The following ADAT3 variants were observed in gnomAD, a reference collection of about 807,000 sequenced individuals.
ADAT3 encodes tRNA-specific adenosine-34 deaminase regulatory subunit ADAT3.
A neutral mutation model predicts 3.5 loss-of-function variants in ADAT3; 2 were observed. The ratio of observed to expected loss-of-function variants is 0.57; its 90% CI spans 0.23 to 1.79. ADAT3 has a LOEUF of 1.79. ADAT3 is among the 40% of genes most tolerant of loss of function. The pLI is 0.18. For synonymous variants in ADAT3, 358 were observed against 270.3 expected, an observed-to-expected ratio of 1.32 and a Z score of -3.18; for missense variants, 735 against 571.4, an observed-to-expected ratio of 1.29 and a Z score of -2.92.
rs776238929 is a variant in ADAT3, at chr19:1,913,171, G to C, written c.*20G>C. ...ACGTAGGCGCCGCCCTCCTGCCTCC[G>C]GACCCTTCCCGCTCCCGGCCGTGGG... On this transcript the variant is annotated 3_prime_UTR_variant, in exon 2 of 2. Transcript: ENST00000329478. The C allele has an allele frequency of 2.7e-6, 4 of 1,504,662 alleles. No homozygotes were observed. Among genetic ancestry groups the C allele is most frequent in the South Asian group, 1.3e-5 (1 of 78,258 alleles). The allele number at this position is 1,504,662 out of a possible 1,614,324, so 93.2% of individuals were successfully genotyped here. A position where few individuals can be genotyped will look rare whatever the true frequency, so the allele number is the denominator to read the frequency against.
chr19:1,911,892 G>T lies in ADAT3; in HGVS notation c.-156G>T, dbSNP rs1389444579. 1.1e-6 allele frequency: 1 copy of T among 922,414 alleles called. No individual in the cohort carries two copies. The highest frequency in any genetic ancestry group is 1.5e-6 in the Non-Finnish European group (1 of 670,140). 57.1% of individuals were successfully genotyped at this position (922,414 alleles called of 1,614,324 possible). On this transcript the variant is annotated splice_region_variant and 5_prime_UTR_variant, in exon 2 of 2. Transcript: ENST00000329478. ...TGTTTAAACTCTGTGCACACCAGGGGTTAGCAGGACATGAGGGAGTGTAGC... is the reference window on the plus strand; with the variant it reads ...TGTTTAAACTCTGTGCACACCAGGGTTTAGCAGGACATGAGGGAGTGTAGC...
At chr19:1,905,704 G>A (rs2013074367) in intron 1 of ADAT3, 1 of 153,234 alleles carries the variant, frequency 6.5e-6, no homozygotes, top group Non-Finnish European at 1.5e-5. Context: ...GCGCCTTTCT[G>A]CGCGTGTGCG....
chr19:1,910,554 A>G (rs939135560), intron 1 of ADAT3, among the ~76,000 whole-genome samples: 1 of 146,032 alleles, frequency 6.8e-6, no homozygotes, highest in Admixed American at 6.9e-5. Context: ...GACACTTGAT[A>G]GTTTTTGGTT....
At chr19:1,911,786 T>TA (rs1239753936) in intron 1 of ADAT3, 104 bp from the exon 2 acceptor site, 1 of 382,070 alleles carries the variant, frequency 2.6e-6, no homozygotes, top group Non-Finnish European at 4.6e-6. Flanking sequence ...GTCTCAGAAG[T>TA]AAAAAAATAA....
chr19:1,906,786 G>A (rs2013137648), intron 1 of ADAT3: 1 of 152,010 alleles, frequency 6.6e-6, no homozygotes, highest in Non-Finnish European at 1.5e-5. Flanking sequence ...AGGAGGCAGA[G>A]CTTGCAGTGA....
In ADAT3 at chr19:1,910,778, T is replaced by C. The variant is rs563708640; in HGVS notation, c.-158-1112T>C. ...TTTTAGTAGAGATGGGGTTTCACCA[T>C]GTTGGTCAGGCTGGTCTCGATCTCG... On this transcript the variant is annotated intron_variant, in intron 1 of 1. Transcript: ENST00000329478. Among the ~76,000 whole-genome samples the C allele has an allele frequency of 8.6e-4, 131 of 151,776 alleles. 2 individuals carry two copies. The highest frequency in any genetic ancestry group is 8.6e-3 in the Admixed American group (131 of 15,214).
At chr19:1,905,804 A>C (rs939965882) in intron 1 of ADAT3, 2 of 152,240 alleles carry the variant, frequency 1.3e-5, no homozygotes, top group African/African-American at 2.4e-5. Flanking sequence ...CTGCCTCTGA[A>C]CCGCGCTCTC....
In ADAT3 at chr19:1,913,142, C is replaced by G. The variant is rs370276587; in HGVS notation, c.1095C>G (p.Pro365=). The change falls in exon 2 of 2, where the codon CCC becomes CCG. Residue 365 remains proline (P), a synonymous_variant. Transcript: ENST00000329478. ...VLEEQCRWLD[P]DT ...AGGAGCAGTGCCGCTGGCTGGACCC[C>G]GACACGTAGGCGCCGCCCTCCTGCC... The G allele has an allele frequency of 1.3e-6, 2 of 1,555,558 alleles. No homozygotes were observed. Among genetic ancestry groups the G allele is most frequent in the African/African-American group, 1.4e-5 (1 of 73,586 alleles).
intron 1 of ADAT3, among the ~76,000 whole-genome samples, chr19:1,911,521 C>G (rs1256892826): frequency 6.6e-6 from 1 of 152,204 alleles, no homozygotes; most frequent in African/African-American, 2.4e-5. Flanking sequence ...CGCAGTGACT[C>G]ACACCTGTAA....
chr19:1,905,889 G>A (rs1173337790), intron 1 of ADAT3: 2 of 152,254 alleles, frequency 1.3e-5, no homozygotes, highest in African/African-American at 4.8e-5. Context: ...CCTAGGCCTT[G>A]GTACATCCCC....
In ADAT3 at chr19:1,910,034, G is replaced by A. The variant is rs142423982; in HGVS notation, c.-158-1856G>A. 6.4e-3 allele frequency among the ~76,000 whole-genome samples: 974 copies of A among 152,342 alleles called. 8 individuals are homozygous for A. Among genetic ancestry groups the A allele is most frequent in the Non-Finnish European group, 9.2e-3 (628 of 68,030 alleles). Reference sequence around the variant, plus strand: ...GTGTGCTGTTCTGGGAGGGGGCCCCGTGTCCCCCACACTTGGCATGCTTGC... The same window carrying A: ...GTGTGCTGTTCTGGGAGGGGGCCCCATGTCCCCCACACTTGGCATGCTTGC... On this transcript the variant is annotated intron_variant, in intron 1 of 1. Coordinates refer to ENST00000329478, the MANE Select transcript of ADAT3 (RefSeq NM_138422.4).
In ADAT3 at chr19:1,912,326, G is replaced by A; in HGVS notation, c.279G>A (p.Arg93=). 2 of 1,540,118 alleles carry A rather than the reference G, an allele frequency of 1.3e-6. No homozygotes were observed. Among genetic ancestry groups the A allele is most frequent in the Non-Finnish European group, 1.7e-6 (2 of 1,151,092 alleles). ...TCCCCGCCCAGCCTCACCTCAAGCG[G>A]GTGCGGCCCAGCCGCGATGCCGGCA... ...HPLPAQPHLK[R]VRPSRDAGSP... The change falls in exon 2 of 2, where the codon CGG becomes CGA. Residue 93 remains arginine (R), a synonymous_variant. Coordinates refer to ENST00000329478, the MANE Select transcript of ADAT3 (RefSeq NM_138422.4).
At position 1,912,545 on chromosome 19, in the gene ADAT3, C is replaced by A; in HGVS notation, c.498C>A (p.Phe166Leu). ...EEARAHWPTS[F>L]HEDKQVTSAL... Reference sequence around the variant, plus strand: ...CCCGGGCCCACTGGCCCACGTCCTTCCACGAGGACAAGCAGGTGACCAGCG... The same window carrying A: ...CCCGGGCCCACTGGCCCACGTCCTTACACGAGGACAAGCAGGTGACCAGCG... The change falls in exon 2 of 2, where the codon TTC (phenylalanine) becomes TTA (leucine). Residue 166 changes from phenylalanine to leucine, a missense_variant. Coordinates refer to ENST00000329478, the MANE Select transcript of ADAT3 (RefSeq NM_138422.4). The A allele has an allele frequency of 6.7e-7, 1 of 1,501,002 alleles. No individual in the cohort carries two copies. 93.0% of individuals were successfully genotyped at this position (1,501,002 alleles called of 1,614,324 possible). A position where few individuals can be genotyped will look rare whatever the true frequency, so the allele number is the denominator to read the frequency against.
Position 1,912,353 on chromosome 19 carries a change from C to T in ADAT3, c.306C>T (p.Ser102=), listed in dbSNP as rs1336726862. 3 of 1,529,488 alleles carry T rather than the reference C, an allele frequency of 2.0e-6. No homozygotes were observed. The highest frequency in any genetic ancestry group is 1.2e-5 in the South Asian group (1 of 82,106). 94.7% of individuals were successfully genotyped at this position (1,529,488 alleles called of 1,614,324 possible). A position where few individuals can be genotyped will look rare whatever the true frequency, so the allele number is the denominator to read the frequency against. Residue 102 remains serine, a synonymous_variant, in exon 2 of 2, where the codon AGC becomes AGT. Coordinates refer to ENST00000329478, the MANE Select transcript of ADAT3 (RefSeq NM_138422.4). ...KRVRPSRDAG[S]PHALEMLLCL... is the part of the protein sequence containing the mutation. ...TGCGGCCCAGCCGCGATGCCGGCAG[C>T]CCCCACGCCCTGGAGATGCTGCTTT... is the stretch of plus-strand genomic sequence containing the variant.
At position 1,905,633 on chromosome 19, in the gene ADAT3, TGCGCGCGCGCGC is replaced by T. The variant is rs201231677; in HGVS notation, c.-159+198_-159+209del. On this transcript the variant is annotated intron_variant, in intron 1 of 1. Coordinates refer to ENST00000329478, the MANE Select transcript of ADAT3 (RefSeq NM_138422.4). ...CGCGGGGAGGCGGCGCGAATGCGCG[TGCGCGCGCGCGC>T]GCGGCGCTGGCCTGGGGGAAGCCTC... is the stretch of plus-strand genomic sequence containing the variant. 24 of 159,186 alleles carry T rather than the reference TGCGCGCGCGCGC, an allele frequency of 1.5e-4. 6 individuals carry two copies. The South Asian group carries it at 1.6e-3, about 11-fold the overall frequency. The allele number at this position is 159,186 out of a possible 1,614,324, so 9.9% of individuals were successfully genotyped here. A position where few individuals can be genotyped will look rare whatever the true frequency, so the allele number is the denominator to read the frequency against.
intron 1 of ADAT3, among the ~76,000 whole-genome samples, chr19:1,909,886 G>A (rs972827486): frequency 6.6e-6 from 1 of 152,232 alleles, no homozygotes; most frequent in Admixed American, 6.5e-5. Context: ...GAGGGGCTGC[G>A]CTCCGGGGCT....
At chr19:1,907,452 G>C (rs562328198) in intron 1 of ADAT3, among the ~76,000 whole-genome samples, 4 of 152,014 alleles carry the variant, frequency 2.6e-5, no homozygotes, top group Admixed American at 2.6e-4. Context: ...CCGAGGCTTG[G>C]AGGAGTCAGG....
In ADAT3 at chr19:1,912,859, C is replaced by A. The variant is rs749794377; in HGVS notation, c.812C>A (p.Ala271Asp). ...PFPACSFAPA[A>D]APQAVRAGAV... Reference sequence around the variant, plus strand: ...CCCGCCTGCTCCTTCGCCCCGGCCGCTGCCCCCCAGGCCGTCCGCGCAGGC... The same window carrying A: ...CCCGCCTGCTCCTTCGCCCCGGCCGATGCCCCCCAGGCCGTCCGCGCAGGC... The change falls in exon 2 of 2, where the codon GCT becomes GAT. Residue 271 changes from alanine (A) to aspartate (D), a missense_variant. By Grantham distance (126) the Ala-to-Asp change is moderately radical (BLOSUM62 -2). Coordinates refer to ENST00000329478, the MANE Select transcript of ADAT3 (RefSeq NM_138422.4). 3.1e-6 allele frequency: 5 copies of A among 1,598,774 alleles called. No homozygotes were observed. Among genetic ancestry groups the A allele is most frequent in the East Asian group, 4.5e-5 (2 of 44,686 alleles).
intron 1 of ADAT3, among the ~76,000 whole-genome samples, chr19:1,909,104 G>T (rs77884541): frequency 1.5e-5 from 2 of 129,882 alleles, no homozygotes; most frequent in Admixed American, 1.6e-4. Flanking sequence ...GACTCTGTCT[G>T]AAAAAAAAAA....
Sources: gnomAD v4.1 joint callset for allele counts (sites outside exome capture counted in the v4.1 genomes callset) on GRCh38, gnomAD v4.1.1 for gene constraint, MANE v1.5 for transcripts, NCBI Gene and HGNC (gene_info 2026-07-23, HGNC 2026-07-21) for gene names.